Variants in AKAP9 observed in about 807,000 individuals in gnomAD.
AKAP9 encodes A-kinase anchor protein 9.
Under a neutral mutation model 488.5 loss-of-function variants are expected in AKAP9, and 311 were observed. The ratio of observed to expected loss-of-function variants is 0.64; its 90% CI spans 0.58 to 0.70. The LOEUF (loss-of-function observed/expected upper bound fraction) is 0.70, where lower values mean the gene tolerates loss of function less well. Ranked by LOEUF, AKAP9 falls within the 30% of genes least tolerant of loss-of-function variation. The pLI is 0.00. For missense variants in AKAP9, 4,215 were observed against 4,374.5 expected (o/e 0.96, Z 1.03); for synonymous variants, 1,462 against 1,483.5 (o/e 0.99, Z 0.33).
At chr7:92,086,024 A>T (rs1814498332) in intron 36 of AKAP9, among the ~76,000 whole-genome samples, 1 of 152,160 alleles carries the variant, frequency 6.6e-6, no homozygotes, top group Admixed American at 6.6e-5. Flanking sequence ...TGGGAGGTGG[A>T]GGTTGCAGTG....
chr7:91,988,778 A>C (rs888631066), intron 3 of AKAP9, among the ~76,000 whole-genome samples: 1 of 152,174 alleles, frequency 6.6e-6, no homozygotes, highest in Non-Finnish European at 1.5e-5. Context: ...CACATCACTT[A>C]AACTCTGAAA....
chr7:92,048,330 A>G (rs535777160), intron 21 of AKAP9, among the ~76,000 whole-genome samples: 1 of 152,340 alleles, frequency 6.6e-6, no homozygotes, highest in Non-Finnish European at 1.5e-5. Context: ...ACTTGTTAAC[A>G]CTCAAAAAGT....
chr7:92,110,636 A>G lies in AKAP9; in HGVS notation c.*477A>G, dbSNP rs576462186. The G allele has an allele frequency of 8.0e-4, 163 of 204,082 alleles. No individual in the cohort carries two copies. The highest frequency in any genetic ancestry group is 3.5e-3 in the African/African-American group (152 of 43,604). 12.6% of individuals were successfully genotyped at this position (204,082 alleles called of 1,614,324 possible). A position where few individuals can be genotyped will look rare whatever the true frequency, so the allele number is the denominator to read the frequency against. Reference sequence around the variant, plus strand: ...TTGAATTTTATGGGGTATTTTGTCAAGTACTGAAATAAAAATGACTTCACC... The same window carrying G: ...TTGAATTTTATGGGGTATTTTGTCAGGTACTGAAATAAAAATGACTTCACC... On this transcript the variant is annotated 3_prime_UTR_variant, in exon 50 of 50. Transcript: ENST00000356239.
chr7:92,014,379 T>C lies in AKAP9; in HGVS notation c.3612+51T>C, dbSNP rs59109755. On this transcript the variant is annotated intron_variant, in intron 10 of 49. Coordinates refer to ENST00000356239, the MANE Select transcript of AKAP9 (RefSeq NM_005751.5). ...GGCCAGATGTGGTGGCTGACACTTATAATCCCAGCACTTTGGGAGGCTGAG... is the reference window on the plus strand; with the variant it reads ...GGCCAGATGTGGTGGCTGACACTTACAATCCCAGCACTTTGGGAGGCTGAG... 8.7e-3 allele frequency: 11,579 copies of C among 1,332,620 alleles called. 504 individuals carry two copies. The African/African-American group carries it at 0.12, about 14-fold the overall frequency. 82.5% of individuals were successfully genotyped at this position (1,332,620 alleles called of 1,614,324 possible). A position where few individuals can be genotyped will look rare whatever the true frequency, so the allele number is the denominator to read the frequency against.
intron 46 of AKAP9, 115 bp downstream of exon 46, chr7:92,102,941 A>G (rs1817831635): frequency 2.1e-6 from 2 of 947,404 alleles, no homozygotes; most frequent in Non-Finnish European, 3.2e-6. Flanking sequence ...AGTAGGAGGT[A>G]TGTGCCATCA....
rs1229729038 is a variant in AKAP9, at chr7:92,076,872, G to A, written c.6630G>A (p.Glu2210=). Residue 2210 remains glutamate (E), a synonymous_variant, in exon 29 of 50, where the codon GAG becomes GAA. Transcript: ENST00000356239. The stretch of plus-strand genomic sequence containing the variant: ...TATTAAAGATTACAAACTTAGAAGA[G>A]CAATTAGAACAGTTTAGAGAAGAAC... ...RKEKEITNLE[E]QLEQFREELE... is the part of the protein sequence containing the mutation. 23 of 1,470,312 alleles carry A rather than the reference G, an allele frequency of 1.6e-5. No homozygotes were observed. The highest frequency in any genetic ancestry group is 2.0e-5 in the Non-Finnish European group (21 of 1,071,022). 91.1% of individuals were successfully genotyped at this position (1,470,312 alleles called of 1,614,324 possible). A position where few individuals can be genotyped will look rare whatever the true frequency, so the allele number is the denominator to read the frequency against.
chr7:92,064,867 G>A (rs1810514626), intron 24 of AKAP9, among the ~76,000 whole-genome samples: 1 of 151,978 alleles, frequency 6.6e-6, no homozygotes, highest in African/African-American at 2.4e-5. Flanking sequence ...CTGAGGTGAA[G>A]AAAACGGTGA....
intron 34 of AKAP9, 26 bp from the exon 35 acceptor site, chr7:92,084,793 A>G: frequency 1.2e-6 from 2 of 1,608,122 alleles, no homozygotes; most frequent in African/African-American, 1.3e-5. Flanking sequence ...TTTTTTTTTA[A>G]CAGCAAATTA....
intron 8 of AKAP9, among the ~76,000 whole-genome samples, chr7:92,004,675 G>A (rs1799588002): frequency 6.6e-6 from 1 of 152,190 alleles, no homozygotes; most frequent in Non-Finnish European, 1.5e-5. Flanking sequence ...TTTGTATCCT[G>A]AGACTTTGCT....
Position 92,096,772 on chromosome 7 carries a change from C to G in AKAP9, c.9813C>G (p.Asn3271Lys), listed in dbSNP as rs749572064. 1 of 1,614,066 alleles carries G rather than the reference C, an allele frequency of 6.2e-7. No homozygotes were observed. Among genetic ancestry groups the G allele is most frequent in the African/African-American group, 1.3e-5 (1 of 74,922 alleles). The part of the protein sequence containing the change: ...LLLEQQKQLL[N>K]ESQQKIESQR... ...TGGAACAACAGAAACAACTACTGAA[C>G]GAATCCCAGCAAAAAATAGAATCAC... Residue 3271 changes from asparagine to lysine, a missense_variant, in exon 41 of 50, where the codon AAC becomes AAG. Physicochemically the swap from Asn to Lys is moderately conservative, Grantham distance 94. Coordinates refer to ENST00000356239, the MANE Select transcript of AKAP9 (RefSeq NM_005751.5).
At chr7:91,971,697 A>G (rs1795099220) in intron 1 of AKAP9, among the ~76,000 whole-genome samples, 1 of 149,020 alleles carries the variant, frequency 6.7e-6, no homozygotes, top group Admixed American at 6.8e-5. Flanking sequence ...CCTCCCGAAT[A>G]GCTGGGATTA....
chr7:92,023,093 A>G, intron 14 of AKAP9, 84 bp downstream of exon 14: 1 of 1,434,594 alleles, frequency 7.0e-7, no homozygotes, highest in South Asian at 1.2e-5. Flanking sequence ...TATTTAAAAA[A>G]GTAACTTAAG....
chr7:92,015,341 A>G (rs937413836), intron 10 of AKAP9, among the ~76,000 whole-genome samples: 2 of 151,738 alleles, frequency 1.3e-5, no homozygotes, highest in African/African-American at 4.8e-5. Context: ...TATAAACTAC[A>G]TAAAACTATT....
At chr7:92,000,693 A>G (rs1482912327) in intron 7 of AKAP9, among the ~76,000 whole-genome samples, 155 bp from the exon 8 acceptor site, 2 of 152,192 alleles carry the variant, frequency 1.3e-5, no homozygotes, top group Non-Finnish European at 2.9e-5. Context: ...AAGTGTCATT[A>G]TTGTGGAAAA....
chr7:92,084,551 T>C (rs946405056), intron 33 of AKAP9, 89 bp from the exon 34 acceptor site: 2 of 950,396 alleles, frequency 2.1e-6, no homozygotes, highest in Admixed American at 2.1e-5. Flanking sequence ...ATTTGATTGA[T>C]TACAGCACGG....
At chr7:92,056,985 G>A (rs1156269233) in intron 22 of AKAP9, among the ~76,000 whole-genome samples, 2 of 151,920 alleles carry the variant, frequency 1.3e-5, no homozygotes, top group Non-Finnish European at 2.9e-5. Context: ...AAAATTCTGA[G>A]TGGCTTATTT....
At chr7:91,975,412 C>T (rs1297129453) in intron 2 of AKAP9, among the ~76,000 whole-genome samples, 1 of 152,044 alleles carries the variant, frequency 6.6e-6, no homozygotes, top group African/African-American at 2.4e-5. Flanking sequence ...ATTCATTATC[C>T]ATGTATACAA....
chr7:92,003,411 T>A (rs941274128), intron 8 of AKAP9, among the ~76,000 whole-genome samples, 176 bp downstream of exon 8: 3 of 152,038 alleles, frequency 2.0e-5, no homozygotes, highest in African/African-American at 7.2e-5. Flanking sequence ...CTTTTTTTTT[T>A]AAACCATTGT....
intron 1 of AKAP9, among the ~76,000 whole-genome samples, chr7:91,950,390 C>T (rs552256890): frequency 2.0e-5 from 3 of 152,106 alleles, no homozygotes; most frequent in East Asian, 3.9e-4. Flanking sequence ...CTGCCAAGCC[C>T]GGCTAATTTT....
Sources: allele counts gnomAD v4.1 joint callset (sites outside exome capture counted in the v4.1 genomes callset), GRCh38; gene constraint gnomAD v4.1.1; transcripts MANE v1.5; gene names NCBI Gene and HGNC (gene_info 2026-07-23, HGNC 2026-07-21).